Variants in OR52A1 observed in about 807,000 individuals in gnomAD.
The protein encoded by OR52A1 is olfactory receptor 52A1.
OR52A1 carries 14 observed loss-of-function variants against 14.3 expected under a neutral mutation model. The observed-to-expected ratio is 0.98, with a 90% CI of 0.65 to 1.54. OR52A1 has a LOEUF of 1.54. Among genes scored for constraint, OR52A1 ranks in the 40% most tolerant of loss-of-function variants. OR52A1 has a pLI of 0.00. For missense variants in OR52A1, 405 were observed against 381.3 expected, an observed-to-expected ratio of 1.06 and a Z score of -0.52; for synonymous variants, 151 against 135.3, an observed-to-expected ratio of 1.12 and a Z score of -0.80.
chr11:5,151,697 A>G lies in OR52A1; in HGVS notation c.673T>C (p.Phe225Leu), dbSNP rs1846544691. The part of the protein sequence containing the change: ...TFITLSYIQI[F>L]ITVFRLPQKE... Reference sequence around the variant, plus strand: ...TGGGGCAAACGAAAAACTGTGATAAATATCTGGATGTAGGACAATGTGATG... The same window carrying G: ...TGGGGCAAACGAAAAACTGTGATAAGTATCTGGATGTAGGACAATGTGATG... Residue 225 changes from phenylalanine (F) to leucine (L), a missense_variant, in exon 2 of 2, where the codon TTT becomes CTT. Coordinates refer to ENST00000380367, the MANE Select transcript of OR52A1 (RefSeq NM_012375.3). The G allele has an allele frequency of 6.2e-7, 1 of 1,614,054 alleles. No homozygotes were observed. The highest frequency in any genetic ancestry group is 8.5e-7 in the Non-Finnish European group (1 of 1,180,024).
Position 5,151,470 on chromosome 11 carries a change from T to A in OR52A1, c.900A>T (p.Thr300=). 6.2e-7 allele frequency: 1 copy of A among 1,613,426 alleles called. No homozygotes were observed. The highest frequency in any genetic ancestry group is 8.5e-7 in the Non-Finnish European group (1 of 1,179,690). ...TTTTTACCACATGAATGCGAATCTGTGTGGTCTTTGCACCATAGACAAGTG... is the reference window on the plus strand; with the variant it reads ...TTTTTACCACATGAATGCGAATCTGAGTGGTCTTTGCACCATAGACAAGTG... ...LNPLVYGAKT[T]QIRIHVVKMF... The change falls in exon 2 of 2, where the codon ACA becomes ACT. Residue 300 remains threonine (T), a synonymous_variant. Transcript: ENST00000380367.
rs576434955 is a variant in OR52A1 at position 5,149,679 on chromosome 11, C to A, written c.*1752G>T. ...GAATTTGCCTCTTTTTCCATAAAGC[C>A]TTAGCTATATATTATTTGGCCATTT... is the stretch of plus-strand genomic sequence containing the variant. On this transcript the variant is annotated 3_prime_UTR_variant, in exon 2 of 2. Coordinates refer to ENST00000380367, the MANE Select transcript of OR52A1 (RefSeq NM_012375.3). The A allele has an allele frequency of 5.3e-5, 8 of 152,016 alleles. No individual in the cohort carries two copies. Among genetic ancestry groups the A allele is most frequent in the Non-Finnish European group, 1.0e-4 (7 of 67,992 alleles). 9.4% of individuals were successfully genotyped at this position (152,016 alleles called of 1,614,324 possible).
Position 5,150,847 on chromosome 11 carries a change from A to G in OR52A1, c.*584T>C, listed in dbSNP as rs963473523. ...AAGTAAATTTTGAGGTTAGCAAAAA[A>G]AAAAACAACAACATTGATGTGTCAA... On this transcript the variant is annotated 3_prime_UTR_variant, in exon 2 of 2. Transcript: ENST00000380367. The G allele has an allele frequency of 6.6e-6, 1 of 152,194 alleles. No individual in the cohort carries two copies. Among genetic ancestry groups the G allele is most frequent in the African/African-American group, 2.4e-5 (1 of 41,454 alleles). 9.4% of individuals were successfully genotyped at this position (152,194 alleles called of 1,614,324 possible). A position where few individuals can be genotyped will look rare whatever the true frequency, so the allele number is the denominator to read the frequency against.
In OR52A1 at chr11:5,151,884, T is replaced by C. The variant is rs1258807101; in HGVS notation, c.486A>G (p.Leu162=). The change falls in exon 2 of 2, where the codon CTA becomes CTG. Residue 162 remains leucine (L), a synonymous_variant. Coordinates refer to ENST00000380367, the MANE Select transcript of OR52A1 (RefSeq NM_012375.3). Reference sequence around the variant, plus strand: ...ATTGAAACCGGCACTTTATCAGTACTAGGCATGGGGCTACAAGAATAGCAG... The same window carrying C: ...ATTGAAACCGGCACTTTATCAGTACCAGGCATGGGGCTACAAGAATAGCAG... ...LRAAILVAPC[L]VLIKCRFQFY... 5.6e-6 allele frequency: 9 copies of C among 1,614,156 alleles called. No individual in the cohort carries two copies. Among genetic ancestry groups the C allele is most frequent in the Non-Finnish European group, 7.6e-6 (9 of 1,180,026 alleles).
At position 5,151,274 on chromosome 11, in the gene OR52A1, A is replaced by T. The variant is rs1398809599; in HGVS notation, c.*157T>A. 2.8e-5 allele frequency: 18 copies of T among 633,416 alleles called. No homozygotes were observed. The highest frequency in any genetic ancestry group is 4.7e-5 in the Non-Finnish European group (17 of 358,832). The allele number at this position is 633,416 out of a possible 1,614,324, so 39.2% of individuals were successfully genotyped here. A position where few individuals can be genotyped will look rare whatever the true frequency, so the allele number is the denominator to read the frequency against. On this transcript the variant is annotated 3_prime_UTR_variant, in exon 2 of 2. Transcript: ENST00000380367. ...TTTCATTAGTCACGTAGAATTCACA[A>T]TCCCACTGATTGATATGAGCCATGA...
At position 5,150,090 on chromosome 11, in the gene OR52A1, C is replaced by A. The variant is rs1846523429; in HGVS notation, c.*1341G>T. On this transcript the variant is annotated 3_prime_UTR_variant, in exon 2 of 2. Coordinates refer to ENST00000380367, the MANE Select transcript of OR52A1 (RefSeq NM_012375.3). ...TCTATGACCTGAGGTTTTTCAAGAA[C>A]AATTGACTAGCCGTAAATTCTTATG... 6.6e-6 allele frequency: 1 copy of A among 152,052 alleles called. No homozygotes were observed. Among genetic ancestry groups the A allele is most frequent in the African/African-American group, 2.4e-5 (1 of 41,402 alleles). 9.4% of individuals were successfully genotyped at this position (152,052 alleles called of 1,614,324 possible). A position where few individuals can be genotyped will look rare whatever the true frequency, so the allele number is the denominator to read the frequency against.
Position 5,154,500 on chromosome 11 carries a change from T to G in OR52A1, c.-375A>C, listed in dbSNP as rs932785540. On this transcript the variant is annotated 5_prime_UTR_variant, in exon 1 of 2. Coordinates refer to ENST00000380367, the MANE Select transcript of OR52A1 (RefSeq NM_012375.3). ...TCATTCCCTTAAGTTGTGGGTTCTGTGATGGCTCTACTTTCTGTCTGCACT... is the reference window on the plus strand; with the variant it reads ...TCATTCCCTTAAGTTGTGGGTTCTGGGATGGCTCTACTTTCTGTCTGCACT... 2 of 152,250 alleles carry G rather than the reference T, an allele frequency of 1.3e-5. No homozygotes were observed. Among genetic ancestry groups the G allele is most frequent in the African/African-American group, 4.8e-5 (2 of 41,472 alleles). 9.4% of individuals were successfully genotyped at this position (152,250 alleles called of 1,614,324 possible). A position where few individuals can be genotyped will look rare whatever the true frequency, so the allele number is the denominator to read the frequency against.
chr11:5,152,276 G>T lies in OR52A1; in HGVS notation c.94C>A (p.Pro32Thr), dbSNP rs762311878. The change falls in exon 2 of 2, where the codon CCA (proline) becomes ACA (threonine). Residue 32 changes from proline (P) to threonine (T), a missense_variant. Coordinates refer to ENST00000380367, the MANE Select transcript of OR52A1 (RefSeq NM_012375.3). ...LESVQCWIGI[P>T]FCAIYLIAMI... Reference sequence around the variant, plus strand: ...GCAATGAGATAAATGGCACAGAATGGAATCCCAATCCAGCACTGCACAGAT... The same window carrying T: ...GCAATGAGATAAATGGCACAGAATGTAATCCCAATCCAGCACTGCACAGAT... 3.1e-6 allele frequency: 5 copies of T among 1,613,966 alleles called. No individual in the cohort carries two copies. In the Admixed American group the frequency reaches 8.3e-5, roughly 27 times the overall value.
In OR52A1 at chr11:5,149,530, T is replaced by C. The variant is rs571560335; in HGVS notation, c.*1901A>G. ...AAAAAATGGATTCTATTATTTTAAT[T>C]AGTAGACCTTCTTTAATTAAAGACA... On this transcript the variant is annotated 3_prime_UTR_variant, in exon 2 of 2. Transcript: ENST00000380367. 2 of 152,340 alleles carry C rather than the reference T, an allele frequency of 1.3e-5. No homozygotes were observed. Among genetic ancestry groups the C allele is most frequent in the South Asian group, 2.1e-4 (1 of 4,830 alleles). 9.4% of individuals were successfully genotyped at this position (152,340 alleles called of 1,614,324 possible). A position where few individuals can be genotyped will look rare whatever the true frequency, so the allele number is the denominator to read the frequency against.
In OR52A1 at chr11:5,151,371, G is replaced by T; in HGVS notation, c.*60C>A. 3.7e-6 allele frequency: 5 copies of T among 1,356,608 alleles called. No homozygotes were observed. The highest frequency in any genetic ancestry group is 2.2e-5 in the Admixed American group (1 of 45,050). 84.0% of individuals were successfully genotyped at this position (1,356,608 alleles called of 1,614,324 possible). ...TCTCAAATAATATGTTTTTTGTTTT[G>T]TTTTGATATGGTTACTACTGCAAAA... On this transcript the variant is annotated 3_prime_UTR_variant, in exon 2 of 2. Transcript: ENST00000380367.
In OR52A1 at chr11:5,152,106, C is replaced by G. The variant is rs140366590; in HGVS notation, c.264G>C (p.Trp88Cys). 5 of 1,614,062 alleles carry G rather than the reference C, an allele frequency of 3.1e-6. No individual in the cohort carries two copies. The highest frequency in any genetic ancestry group is 4.2e-6 in the Non-Finnish European group (5 of 1,179,970). Residue 88 changes from tryptophan to cysteine, a missense_variant, in exon 2 of 2, where the codon TGG becomes TGC. By Grantham distance (215) the Trp-to-Cys change is radical. Coordinates refer to ENST00000380367, the MANE Select transcript of OR52A1 (RefSeq NM_012375.3). ...CAAAATAGATTTCAGGCACATTAAACCAGAATATTCCAAGCATCTTTGGCA... is the reference window on the plus strand; with the variant it reads ...CAAAATAGATTTCAGGCACATTAAAGCAGAATATTCCAAGCATCTTTGGCA... ...SIMPKMLGIF[W>C]FNVPEIYFDS...
chr11:5,151,644 A>T lies in OR52A1; in HGVS notation c.726T>A (p.Asn242Lys). ...AGACACAGATGTGAGCAATGCAGGT[A>T]TTGAATGCTTTAAACCTAGCCTCCT... ...PQKEARFKAFNTCIAHICVFL... is the reference protein window; with the variant it reads ...PQKEARFKAFKTCIAHICVFL... Residue 242 changes from asparagine to lysine, a missense_variant, in exon 2 of 2, where the codon AAT (asparagine) becomes AAA (lysine). Asn to Lys is a moderately conservative substitution (Grantham distance 94, BLOSUM62 0). Transcript: ENST00000380367. The T allele has an allele frequency of 6.2e-7, 1 of 1,614,178 alleles. No homozygotes were observed. Among genetic ancestry groups the T allele is most frequent in the Non-Finnish European group, 8.5e-7 (1 of 1,180,012 alleles).
chr11:5,152,578 G>A lies in OR52A1; in HGVS notation c.-209C>T. ...CTGTTTTCAGGTGGGGCATTCACAG[G>A]CACTGTGCCATAATAGGATGTTATG... On this transcript the variant is annotated 5_prime_UTR_variant, in exon 2 of 2. Transcript: ENST00000380367. 9.4e-6 allele frequency: 5 copies of A among 534,650 alleles called. No individual in the cohort carries two copies. The highest frequency in any genetic ancestry group is 1.7e-5 in the Non-Finnish European group (5 of 291,490). The allele number at this position is 534,650 out of a possible 1,614,324, so 33.1% of individuals were successfully genotyped here. A position where few individuals can be genotyped will look rare whatever the true frequency, so the allele number is the denominator to read the frequency against.
rs199876523 is a variant in OR52A1, at chr11:5,151,598, C to T, written c.772G>A (p.Ala258Thr). 3.1e-6 allele frequency: 5 copies of T among 1,613,914 alleles called. No homozygotes were observed. The highest frequency in any genetic ancestry group is 4.2e-6 in the Non-Finnish European group (5 of 1,179,972). The change falls in exon 2 of 2, where the codon GCC (alanine) becomes ACC (threonine). Residue 258 changes from alanine (A) to threonine (T), a missense_variant. Coordinates refer to ENST00000380367, the MANE Select transcript of OR52A1 (RefSeq NM_012375.3). The stretch of plus-strand genomic sequence containing the variant: ...CTATGTGTGAAGAAGGAGAAGAAGG[C>T]AAGGAGGTAGAACTGGAGGAAGACA... Reference protein sequence around the residue: ...ICVFLQFYLLAFFSFFTHRFG... With the variant: ...ICVFLQFYLLTFFSFFTHRFG...
rs1846524324 is a variant in OR52A1, at chr11:5,150,192, A to G, written c.*1239T>C. ...GACTTATTTATATTTGCTGTGTGGT[A>G]TGCTGCCACATGCCCAAGCAGACAC... On this transcript the variant is annotated 3_prime_UTR_variant, in exon 2 of 2. Coordinates refer to ENST00000380367, the MANE Select transcript of OR52A1 (RefSeq NM_012375.3). 2.0e-5 allele frequency: 3 copies of G among 148,170 alleles called. No individual in the cohort carries two copies. In the Admixed American group the frequency reaches 2.1e-4, roughly 10 times the overall value. 9.2% of individuals were successfully genotyped at this position (148,170 alleles called of 1,614,324 possible).
rs976245024 is a variant in OR52A1 at position 5,149,991 on chromosome 11, G to A, written c.*1440C>T. 6.6e-6 allele frequency: 1 copy of A among 152,034 alleles called. No homozygotes were observed. Among genetic ancestry groups the A allele is most frequent in the Admixed American group, 6.6e-5 (1 of 15,260 alleles). The allele number at this position is 152,034 out of a possible 1,614,324, so 9.4% of individuals were successfully genotyped here. On this transcript the variant is annotated 3_prime_UTR_variant, in exon 2 of 2. Transcript: ENST00000380367. ...ATCCAATATTTCTTATATTTGCAGTGGTTTTAATCTGGTAAATCAAAGTAT... is the reference window on the plus strand; with the variant it reads ...ATCCAATATTTCTTATATTTGCAGTAGTTTTAATCTGGTAAATCAAAGTAT...
intron 1 of OR52A1, among the ~76,000 whole-genome samples, chr11:5,153,534 G>T (rs1368304454): frequency 6.6e-6 from 1 of 152,144 alleles, no homozygotes; most frequent in Admixed American, 6.5e-5. Context: ...CAATTTCACT[G>T]ATGATTGAAT....
In OR52A1 at chr11:5,149,804, A is replaced by G. The variant is rs1314316353; in HGVS notation, c.*1627T>C. ...ATGTTACTTAAGAAAAACCATCCCT[A>G]TTGGTAATCCAATAAAATTAGCTCT... On this transcript the variant is annotated 3_prime_UTR_variant, in exon 2 of 2. Transcript: ENST00000380367. 6.6e-6 allele frequency: 1 copy of G among 152,188 alleles called. No individual in the cohort carries two copies. The highest frequency in any genetic ancestry group is 2.4e-5 in the African/African-American group (1 of 41,456). The allele number at this position is 152,188 out of a possible 1,614,324, so 9.4% of individuals were successfully genotyped here. A position where few individuals can be genotyped will look rare whatever the true frequency, so the allele number is the denominator to read the frequency against.
At chr11:5,154,322 A>C (rs1003849812) in intron 1 of OR52A1, 125 bp downstream of exon 1, 1 of 152,192 alleles carries the variant, frequency 6.6e-6, no homozygotes, top group Admixed American at 6.5e-5. Context: ...TGGTAATTAA[A>C]TTATGGAGAG....
Sources: gnomAD v4.1 joint callset for allele counts (sites outside exome capture counted in the v4.1 genomes callset) on GRCh38, gnomAD v4.1.1 for gene constraint, MANE v1.5 for transcripts, NCBI Gene and HGNC (gene_info 2026-07-23, HGNC 2026-07-21) for gene names.